Variants in CEP350 observed in about 807,000 individuals in gnomAD.
The protein encoded by CEP350 is centrosome-associated protein 350.
A neutral mutation model predicts 331.8 loss-of-function variants in CEP350; 126 were observed. The observed-to-expected ratio is 0.38, with a 90% CI of 0.33 to 0.44. The LOEUF is 0.44. Ranked by LOEUF, CEP350 falls within the 20% of genes least tolerant of loss-of-function variation. The probability of loss-of-function intolerance (pLI) is 1.00; values close to 1 mark genes in which losing one functional copy is unlikely to be tolerated. For missense variants in CEP350, 3,406 were observed against 3,634.6 expected (o/e 0.94, Z 1.62); for synonymous variants, 1,200 against 1,259.5 (o/e 0.95, Z 1.00).
intron 37 of CEP350, among the ~76,000 whole-genome samples, chr1:180,101,096 G>T (rs1453175538): frequency 2.6e-5 from 4 of 152,174 alleles, no homozygotes; most frequent in Admixed American, 2.6e-4. Flanking sequence ...TTCTTTTGCA[G>T]GGGTAAGGTT....
chr1:180,052,205 CTTTCT>C (rs1290979153), intron 22 of CEP350: 2 of 453,410 alleles, frequency 4.4e-6, no homozygotes, highest in African/African-American at 4.1e-5. Context: ...CAAATTCTTT[CTTTCT>C]TTCTTTTTTT....
rs575723227 is a variant in CEP350 at position 180,024,721 on chromosome 1, A to G, written c.3550+139A>G. ...TTAGCTTTCATATTTATTTATCATT[A>G]TAATAATACCTTTTGATATATAACA... On this transcript the variant is annotated intron_variant, in intron 14 of 37. Transcript: ENST00000367607. 1.8e-5 allele frequency: 17 copies of G among 965,934 alleles called. No homozygotes were observed. In the East Asian group the frequency reaches 4.5e-4, roughly 25 times the overall value. The allele number at this position is 965,934 out of a possible 1,614,324, so 59.8% of individuals were successfully genotyped here.
chr1:180,043,772 TTGTGTGTGTGTGTGTGTG>T (rs71118428), intron 20 of CEP350, among the ~76,000 whole-genome samples: 12,630 of 148,628 alleles, frequency 0.085, 700 homozygotes, highest in Middle Eastern at 0.12. Context: ...ATTACCATAT[TTGTGTGTGTGTGTGTGTG>T]TGTGTGTGTG....
At position 180,093,485 on chromosome 1, in the gene CEP350, C is replaced by A; in HGVS notation, c.7380C>A (p.Ser2460=). 6.2e-7 allele frequency: 1 copy of A among 1,610,636 alleles called. No individual in the cohort carries two copies. Among genetic ancestry groups the A allele is most frequent in the Non-Finnish European group, 8.5e-7 (1 of 1,178,178 alleles). Residue 2460 remains serine (S), a synonymous_variant, in exon 34 of 38, where the codon TCC becomes TCA. Coordinates refer to ENST00000367607, the MANE Select transcript of CEP350 (RefSeq NM_014810.5). Reference sequence around the variant, plus strand: ...CTGACAGGCTGTTGGAACTCAAGTCCCCTACTGAGCTGATGAAAAGTAAGG... The same window carrying A: ...CTGACAGGCTGTTGGAACTCAAGTCACCTACTGAGCTGATGAAAAGTAAGG... ...VHSDRLLELK[S]PTELMKSKER...
intron 22 of CEP350, chr1:180,052,075 G>A (rs1657537389): frequency 6.5e-6 from 2 of 308,328 alleles, no homozygotes; most frequent in South Asian, 4.8e-5. Context: ...AATTGTATGC[G>A]TAACTATGTG....
At chr1:179,967,156 T>C (rs1188569201) in intron 1 of CEP350, among the ~76,000 whole-genome samples, 1 of 152,202 alleles carries the variant, frequency 6.6e-6, no homozygotes. Flanking sequence ...TATGATAAGT[T>C]ATTAAATGTT....
Position 180,112,257 on chromosome 1 carries a change from G to A in CEP350, c.*1096G>A, listed in dbSNP as rs1320247243. Reference sequence around the variant, plus strand: ...GTAATAGTTAAACCTCCATCTTGAAGCTTCTATGGTTCATAGTCTTTGCAC... The same window carrying A: ...GTAATAGTTAAACCTCCATCTTGAAACTTCTATGGTTCATAGTCTTTGCAC... On this transcript the variant is annotated 3_prime_UTR_variant, in exon 38 of 38. Transcript: ENST00000367607. The A allele has an allele frequency of 6.6e-6, 1 of 152,572 alleles. No homozygotes were observed. Among genetic ancestry groups the A allele is most frequent in the African/African-American group, 2.4e-5 (1 of 41,460 alleles). The allele number at this position is 152,572 out of a possible 1,614,324, so 9.5% of individuals were successfully genotyped here. A position where few individuals can be genotyped will look rare whatever the true frequency, so the allele number is the denominator to read the frequency against.
intron 18 of CEP350, 77 bp downstream of exon 18, chr1:180,041,325 T>A: frequency 9.6e-7 from 1 of 1,045,150 alleles, no homozygotes; most frequent in Non-Finnish European, 1.4e-6. Flanking sequence ...GTTCTTTTAA[T>A]TATATAGGAG....
intron 37 of CEP350, among the ~76,000 whole-genome samples, chr1:180,104,600 C>G (rs1251091298): frequency 1.3e-5 from 2 of 152,112 alleles, no homozygotes; most frequent in Non-Finnish European, 2.9e-5. Flanking sequence ...TTGTCTTTAC[C>G]ACTTATTAAC....
chr1:179,996,437 T>TA, intron 5 of CEP350, 116 bp from the exon 6 acceptor site: 1 of 697,982 alleles, frequency 1.4e-6, no homozygotes, highest in Admixed American at 2.9e-5. Flanking sequence ...ATTTAACATG[T>TA]ATTACCTCAT....
At chr1:179,963,775 G>A (rs1031700842) in intron 1 of CEP350, among the ~76,000 whole-genome samples, 5 of 152,014 alleles carry the variant, frequency 3.3e-5, no homozygotes, top group African/African-American at 1.2e-4. Flanking sequence ...GTAATGTGAT[G>A]CCTCCTGCTG....
At position 179,955,053 on chromosome 1, in the gene CEP350, C is replaced by G; in HGVS notation, c.-103C>G. 7.1e-7 allele frequency: 1 copy of G among 1,403,086 alleles called. No individual in the cohort carries two copies. Among genetic ancestry groups the G allele is most frequent in the African/African-American group, 1.5e-5 (1 of 66,920 alleles). The allele number at this position is 1,403,086 out of a possible 1,614,324, so 86.9% of individuals were successfully genotyped here. On this transcript the variant is annotated 5_prime_UTR_variant, in exon 1 of 38. Transcript: ENST00000367607. The stretch of plus-strand genomic sequence containing the variant: ...GAGCGGGGAGGCCAGGCCGGGCAGC[C>G]CTGGGGCCGGTCGGGGCGGCGTCAC...
intron 27 of CEP350, among the ~76,000 whole-genome samples, chr1:180,068,940 G>A (rs1658716672): frequency 1.3e-5 from 2 of 152,146 alleles, no homozygotes; most frequent in Admixed American, 1.3e-4. Context: ...TATATGTCAA[G>A]GACATTTTCA....
chr1:180,039,075 T>G (rs1571905950), intron 17 of CEP350, among the ~76,000 whole-genome samples: 1 of 116,656 alleles, frequency 8.6e-6, no homozygotes, highest in African/African-American at 3.3e-5. Context: ...AAATTAGCCA[T>G]CCACCGTGGC....
chr1:180,108,956 AC>A (rs1262699359), intron 37 of CEP350, among the ~76,000 whole-genome samples: 1 of 152,086 alleles, frequency 6.6e-6, no homozygotes, highest in African/African-American at 2.4e-5. Flanking sequence ...TGTGGCAGCC[AC>A]CCTGTTACAT....
At chr1:179,986,350 A>T in intron 2 of CEP350, 96 bp downstream of exon 2, 2 of 730,386 alleles carry the variant, frequency 2.7e-6, no homozygotes, top group Non-Finnish European at 4.5e-6. Context: ...CTATGCTTTG[A>T]TTTATAGAAA....
intron 6 of CEP350, among the ~76,000 whole-genome samples, chr1:180,001,287 C>A (rs902714565): frequency 5.9e-5 from 9 of 152,094 alleles, no homozygotes; most frequent in African/African-American, 1.7e-4. Flanking sequence ...GAGACAGAGT[C>A]TCAGTCTGTC....
At chr1:179,969,773 A>G (rs74720748) in intron 1 of CEP350, among the ~76,000 whole-genome samples, 18,079 of 152,016 alleles carry the variant, frequency 0.12, 1,170 homozygotes, top group South Asian at 0.16. Context: ...CTGGGCAACA[A>G]TGAGACCCTG....
intron 21 of CEP350, among the ~76,000 whole-genome samples, chr1:180,044,614 G>A (rs1327486906): frequency 6.9e-6 from 1 of 144,274 alleles, no homozygotes. Flanking sequence ...ACTCATAGGT[G>A]GGAATTGAAC....
Sources: allele counts gnomAD v4.1 joint callset (sites outside exome capture counted in the v4.1 genomes callset), GRCh38; gene constraint gnomAD v4.1.1; transcripts MANE v1.5; gene names NCBI Gene and HGNC (gene_info 2026-07-23, HGNC 2026-07-21).